Variants in CASTOR2 observed in about 807,000 individuals in gnomAD.
The protein encoded by CASTOR2 is GATS protein like 2.
A neutral mutation model predicts 31.2 loss-of-function variants in CASTOR2; 8 were observed. The observed-to-expected ratio is 0.26, with a 90% CI of 0.15 to 0.46. The LOEUF (loss-of-function observed/expected upper bound fraction) is 0.46, where lower values mean the gene tolerates loss of function less well. CASTOR2 is among the 20% of genes least tolerant of loss of function. The pLI, the probability that CASTOR2 is intolerant of heterozygous loss-of-function variation, is 0.99. For missense variants in CASTOR2, 216 were observed against 382.1 expected (o/e 0.57, Z 3.62); for synonymous variants, 162 against 158.7 (o/e 1.02, Z -0.16).
chr7:75,012,434 C>G (rs1270886477), intron 2 of CASTOR2, among the ~76,000 whole-genome samples: 2 of 142,012 alleles, frequency 1.4e-5, no homozygotes, highest in African/African-American at 5.3e-5. Context: ...TCCTGAGTAG[C>G]TGGGATTACA....
chr7:75,022,005 GA>G lies in CASTOR2; in HGVS notation c.829+50del, dbSNP rs1261364744. ...GGGAATTGAGGGAGCTGGCATTGCTGAGCCCATTCACATACGTTGTCCGCAG... is the reference window on the plus strand; with the variant it reads ...GGGAATTGAGGGAGCTGGCATTGCTGGCCCATTCACATACGTTGTCCGCAG... On this transcript the variant is annotated intron_variant, in intron 7 of 8. Coordinates refer to ENST00000616305, the MANE Select transcript of CASTOR2 (RefSeq NM_001145064.3). The G allele has an allele frequency of 1.9e-6, 3 of 1,547,700 alleles. No individual in the cohort carries two copies. The East Asian group carries it at 7.3e-5, about 38-fold the overall frequency.
In CASTOR2 at chr7:75,020,055, G is replaced by A. The variant is rs1804956595; in HGVS notation, c.652G>A (p.Ala218Thr). ...GGTCCCCAGAGTGAAGGACCCCATG[G>A]CCACTGGGGATGACTGCGGCCACAT... ...FYSNGVKDPMATGDDCGHIRF... is the reference protein window; with the variant it reads ...FYSNGVKDPMTTGDDCGHIRF... The change falls in exon 6 of 9, where the codon GCC (alanine) becomes ACC (threonine). Residue 218 changes from alanine (A) to threonine (T), a missense_variant. Around this residue, in one of 5 missense-constraint regions of CASTOR2, gnomAD observed 44 missense variants for 57.5 expected, o/e 0.76. Coordinates refer to ENST00000616305, the MANE Select transcript of CASTOR2 (RefSeq NM_001145064.3). 5 of 1,551,420 alleles carry A rather than the reference G, an allele frequency of 3.2e-6. No individual in the cohort carries two copies. Among genetic ancestry groups the A allele is most frequent in the Non-Finnish European group, 4.4e-6 (5 of 1,146,822 alleles).
At chr7:75,019,150 T>C in intron 5 of CASTOR2, 55 bp downstream of exon 5, 2 of 1,551,452 alleles carry the variant, frequency 1.3e-6, no homozygotes, top group South Asian at 1.2e-5. Context: ...GAGGCATGGC[T>C]CCGCCTAGGA....
At chr7:74,996,814 C>T (rs1368878433) in intron 1 of CASTOR2, among the ~76,000 whole-genome samples, 3 of 137,180 alleles carry the variant, frequency 2.2e-5, no homozygotes, top group Middle Eastern at 8.6e-3. Flanking sequence ...CTGCAACCTT[C>T]GCCTCCCAGG....
At chr7:75,020,274 G>T (rs1052158812) in intron 6 of CASTOR2, 125 bp downstream of exon 6, 5 of 957,630 alleles carry the variant, frequency 5.2e-6, no homozygotes, top group East Asian at 2.6e-5. Flanking sequence ...ACGGGGTCTC[G>T]CTCTGTCGCC....
intron 5 of CASTOR2, among the ~76,000 whole-genome samples, chr7:75,019,309 G>A (rs1331141537): frequency 7.9e-5 from 12 of 152,186 alleles, no homozygotes; most frequent in Non-Finnish European, 1.5e-4. Flanking sequence ...GAGCTAGTCT[G>A]AGGTAGGAGA....
At chr7:74,995,018 G>A (rs1215404190) in intron 1 of CASTOR2, among the ~76,000 whole-genome samples, 1 of 152,118 alleles carries the variant, frequency 6.6e-6, no homozygotes, top group Admixed American at 6.6e-5. Flanking sequence ...GGAGGCCTTG[G>A]CCAGCCATGT....
intron 7 of CASTOR2, among the ~76,000 whole-genome samples, chr7:75,022,709 G>A (rs1805034117): frequency 6.6e-6 from 1 of 152,208 alleles, no homozygotes; most frequent in Non-Finnish European, 1.5e-5. Context: ...TGAGATGGGA[G>A]AATCGCTTGA....
chr7:75,010,516 C>T (rs1303148733), intron 2 of CASTOR2, among the ~76,000 whole-genome samples: 1 of 151,982 alleles, frequency 6.6e-6, no homozygotes, highest in Non-Finnish European at 1.5e-5. Context: ...GTCCTTGGGC[C>T]CAGGCTGAGA....
intron 1 of CASTOR2, among the ~76,000 whole-genome samples, chr7:75,002,681 G>A (rs1252278798): frequency 4.6e-5 from 7 of 152,288 alleles, no homozygotes; most frequent in South Asian, 4.1e-4. Context: ...AGGCAGGGGC[G>A]TTGAGGCCAG....
chr7:74,998,558 G>A (rs1322860245), intron 1 of CASTOR2, among the ~76,000 whole-genome samples: 4 of 148,326 alleles, frequency 2.7e-5, no homozygotes, highest in African/African-American at 5.0e-5. Flanking sequence ...AGCCGAGATC[G>A]CACCACTGCA....
chr7:74,985,318 T>C (rs1804036867), intron 1 of CASTOR2, among the ~76,000 whole-genome samples: 1 of 151,880 alleles, frequency 6.6e-6, no homozygotes. Flanking sequence ...TTGGGGACAA[T>C]GGCTCACACT....
chr7:75,003,283 C>A (rs1274794251), intron 1 of CASTOR2, among the ~76,000 whole-genome samples: 3 of 151,806 alleles, frequency 2.0e-5, no homozygotes, highest in African/African-American at 7.3e-5. Context: ...CCTGTCTCTA[C>A]AAAAAATAAA....
At chr7:74,971,960 T>A (rs1430461730) in intron 1 of CASTOR2, among the ~76,000 whole-genome samples, 1 of 149,770 alleles carries the variant, frequency 6.7e-6, no homozygotes, top group Non-Finnish European at 1.5e-5. Context: ...TCTGTTTTTT[T>A]ATTAATATTA....
At position 75,019,104 on chromosome 7, in the gene CASTOR2, G is replaced by C; in HGVS notation, c.635+9G>C. 2 of 1,551,822 alleles carry C rather than the reference G, an allele frequency of 1.3e-6. No individual in the cohort carries two copies. Among genetic ancestry groups the C allele is most frequent in the South Asian group, 2.4e-5 (2 of 84,062 alleles). ...ATGTTCTACTCCAATGGGTAGGGCTGCCTTGGGCATGAGGGGTTGCAGGGT... is the reference window on the plus strand; with the variant it reads ...ATGTTCTACTCCAATGGGTAGGGCTCCCTTGGGCATGAGGGGTTGCAGGGT... On this transcript the variant is annotated intron_variant, in intron 5 of 8. Transcript: ENST00000616305.
intron 6 of CASTOR2, among the ~76,000 whole-genome samples, chr7:75,020,490 A>ATTTTT: frequency 1.2e-5 from 1 of 84,404 alleles, no homozygotes; most frequent in South Asian, 3.6e-4. Flanking sequence ...CTCAGGCGTG[A>ATTTTT]TTTTTTTTTT....
chr7:75,022,055 A>C (rs1241281253), intron 7 of CASTOR2, 99 bp downstream of exon 7: 30 of 1,391,608 alleles, frequency 2.2e-5, no homozygotes, highest in Non-Finnish European at 3.0e-5. Flanking sequence ...GCTGGGGGGT[A>C]CAGATGGGGA....
chr7:75,005,386 C>T (rs1483896428), intron 1 of CASTOR2, among the ~76,000 whole-genome samples: 1 of 151,986 alleles, frequency 6.6e-6, no homozygotes, highest in East Asian at 1.9e-4. Context: ...GCAAAATGCA[C>T]TTTAGATCTA....
chr7:74,999,592 C>T (rs1318558711), intron 1 of CASTOR2, among the ~76,000 whole-genome samples: 1 of 132,714 alleles, frequency 7.5e-6, no homozygotes, highest in African/African-American at 2.9e-5. Context: ...ACACTTCTAT[C>T]ACTCACTGCT....
Sources: allele counts gnomAD v4.1 joint callset (sites outside exome capture counted in the v4.1 genomes callset), GRCh38; gene constraint gnomAD v4.1.1; regional missense constraint gnomAD v4.1.1; transcripts MANE v1.5; gene names NCBI Gene and HGNC (gene_info 2026-07-23, HGNC 2026-07-21).